AOX1: variants seen among roughly 807,000 people sequenced by gnomAD.
AOX1 encodes aldehyde oxidase.
AOX1 carries 153 observed loss-of-function variants against 169.5 expected under a neutral mutation model. The ratio of observed to expected loss-of-function variants is 0.90; its 90% CI spans 0.79 to 1.03. The LOEUF is 1.03. Ranked by LOEUF, AOX1 falls within the 50% of genes least tolerant of loss-of-function variation. The pLI is 0.00. For missense variants in AOX1, 1,656 were observed against 1,663.9 expected, an observed-to-expected ratio of 1.00 and a Z score of 0.08; for synonymous variants, 562 against 581.9, an observed-to-expected ratio of 0.97 and a Z score of 0.49.
At chr2:200,662,791 T>G in intron 30 of AOX1, 64 bp from the exon 31 acceptor site, 2 of 1,305,634 alleles carry the variant, frequency 1.5e-6, no homozygotes, top group Non-Finnish European at 2.2e-6. Context: ...CATGGGTCTG[T>G]TTAGTCATCA....
chr2:200,609,319 AGTCTTTAGGGG>A lies in AOX1; in HGVS notation c.1060_1070del (p.Ser354ThrfsTer4). 1 of 1,613,432 alleles carries A rather than the reference AGTCTTTAGGGG, an allele frequency of 6.2e-7. No individual in the cohort carries two copies. Among genetic ancestry groups the A allele is most frequent in the Non-Finnish European group, 8.5e-7 (1 of 1,179,542 alleles). Reference sequence around the variant, plus strand: ...ATGAAAATAACTCATTATTTTTAAAAGTCTTTAGGGGGACACATCATTAGCAGGCATCCAGA... The same window carrying A: ...ATGAAAATAACTCATTATTTTTAAAAGACACATCATTAGCAGGCATCCAGA... On this transcript the variant is annotated splice_acceptor_variant and coding_sequence_variant, in exon 12 of 35. Coordinates refer to ENST00000374700, the MANE Select transcript of AOX1 (RefSeq NM_001159.4). LOFTEE classifies it high-confidence loss of function.
At chr2:200,659,790 A>G (rs757665689) in intron 28 of AOX1, among the ~76,000 whole-genome samples, 1 of 79,950 alleles carries the variant, frequency 1.3e-5, no homozygotes, top group African/African-American at 4.4e-5. Context: ...TCTCTCTCAC[A>G]CACACACACA....
At chr2:200,611,519 C>G (rs76363036) in intron 13 of AOX1, 26 bp downstream of exon 13, 27 of 1,411,506 alleles carry the variant, frequency 1.9e-5, no homozygotes, top group Non-Finnish European at 2.6e-5. Flanking sequence ...TGTCAATTTC[C>G]CAGTTGCACC....
downstream of AOX1, among the ~76,000 whole-genome samples, chr2:200,673,424 G>A (rs999153721): frequency 6.6e-6 from 1 of 152,100 alleles, no homozygotes; most frequent in African/African-American, 2.4e-5. Context: ...TTCTCTTTGC[G>A]CACACATCTA....
At chr2:200,672,621 T>C (rs2036045119), downstream of AOX1, among the ~76,000 whole-genome samples, 1 of 152,170 alleles carries the variant, frequency 6.6e-6, no homozygotes, top group Non-Finnish European at 1.5e-5. Flanking sequence ...CTTGGGAAGA[T>C]CCTATTTTGG....
At chr2:200,587,126 A>G (rs77837136) in intron 1 of AOX1, among the ~76,000 whole-genome samples, 5 of 151,708 alleles carry the variant, frequency 3.3e-5, no homozygotes, top group African/African-American at 1.2e-4. Context: ...AAACAAAACA[A>G]AACAACAACA....
Position 200,609,030 on chromosome 2 carries a change from T to G in AOX1, c.954T>G (p.Ile318Met), listed in dbSNP as rs764079026. The G allele has an allele frequency of 6.2e-7, 1 of 1,614,046 alleles. No homozygotes were observed. Among genetic ancestry groups the G allele is most frequent in the East Asian group, 2.2e-5 (1 of 44,882 alleles). ...AGLSLAQVKD[I>M]LADVVQKLPE... ...TCAGCCTAGCCCAGGTGAAGGACAT[T>G]TTGGCTGATGTAGTCCAGAAGCTTC... is the stretch of plus-strand genomic sequence containing the variant. Residue 318 changes from isoleucine to methionine, a missense_variant, in exon 11 of 35, where the codon ATT (isoleucine) becomes ATG (methionine). Ile to Met is a conservative substitution (Grantham distance 10). Transcript: ENST00000374700.
intron 15 of AOX1, among the ~76,000 whole-genome samples, chr2:200,615,280 T>C (rs900809408): frequency 1.3e-5 from 2 of 152,232 alleles, no homozygotes; most frequent in African/African-American, 4.8e-5. Flanking sequence ...ATGCTGGAAT[T>C]ACAGGCATGA....
In AOX1 at chr2:200,617,463, A is replaced by G. The variant is rs908142277; in HGVS notation, c.1704+1400A>G. Among the ~76,000 whole-genome samples, 5 of 131,970 alleles carry G rather than the reference A, an allele frequency of 3.8e-5. No individual in the cohort carries two copies. The Admixed American group carries it at 4.3e-4, about 11-fold the overall frequency. 86.6% of individuals were successfully genotyped at this position (131,970 alleles called of 152,430 possible). On this transcript the variant is annotated intron_variant, in intron 16 of 34. Transcript: ENST00000374700. ...TGAGGACAGCTTCTTTCACCAGTAG[A>G]TTTATCACAACTAACTGCAAAAAAA...
chr2:200,626,768 T>A (rs543015718), intron 19 of AOX1, among the ~76,000 whole-genome samples: 1 of 152,338 alleles, frequency 6.6e-6, no homozygotes, highest in African/African-American at 2.4e-5. Flanking sequence ...GCCACCATGA[T>A]CCCAATCACT....
At chr2:200,636,124 T>C (rs1559248692) in intron 21 of AOX1, among the ~76,000 whole-genome samples, 2 of 126,250 alleles carry the variant, frequency 1.6e-5, no homozygotes, top group African/African-American at 6.0e-5. Flanking sequence ...GTGCTTTTTT[T>C]TTTTTTTTTT....
intron 19 of AOX1, among the ~76,000 whole-genome samples, chr2:200,626,122 C>A (rs1331553687): frequency 6.6e-6 from 1 of 152,216 alleles, no homozygotes; most frequent in Non-Finnish European, 1.5e-5. Flanking sequence ...TTACTAAATG[C>A]TCACCACAAT....
intron 27 of AOX1, among the ~76,000 whole-genome samples, chr2:200,657,192 T>TATATA (rs1559258569): frequency 1.4e-3 from 95 of 68,906 alleles, no homozygotes; most frequent in Non-Finnish European, 2.1e-3. Context: ...ATATATATAT[T>TATATA]TTTTTTTTTT....
At chr2:200,598,082 G>C (rs975501570) in intron 4 of AOX1, among the ~76,000 whole-genome samples, 10 of 151,802 alleles carry the variant, frequency 6.6e-5, no homozygotes, top group African/African-American at 2.2e-4. Context: ...ACTTCAGCCT[G>C]GGTGACTGAG....
chr2:200,681,184 GTTT>G (rs34179506), downstream of AOX1, among the ~76,000 whole-genome samples: 1 of 152,158 alleles, frequency 6.6e-6, no homozygotes, highest in Non-Finnish European at 1.5e-5. Context: ...CCTCAATGGA[GTTT>G]TTTTCCAGAA....
intron 25 of AOX1, among the ~76,000 whole-genome samples, chr2:200,648,581 G>T (rs561081712): frequency 2.0e-5 from 3 of 152,198 alleles, no homozygotes; most frequent in Non-Finnish European, 4.4e-5. Flanking sequence ...CCAGGAGGTG[G>T]CACTTTCCAG....
At position 200,586,043 on chromosome 2, in the gene AOX1, G is replaced by C; in HGVS notation, c.-66G>C. ...GGCGGGTCGGTGCCGCCGGGTCCCA[G>C]GTGCCCGCTACTTCCCAGAACCTCC... is the stretch of plus-strand genomic sequence containing the variant. On this transcript the variant is annotated 5_prime_UTR_variant, in exon 1 of 35. Coordinates refer to ENST00000374700, the MANE Select transcript of AOX1 (RefSeq NM_001159.4). The C allele has an allele frequency of 6.5e-7, 1 of 1,538,118 alleles. No homozygotes were observed. Among genetic ancestry groups the C allele is most frequent in the Non-Finnish European group, 8.8e-7 (1 of 1,140,836 alleles).
At chr2:200,616,864 T>TTATA (rs1465388408) in intron 16 of AOX1, among the ~76,000 whole-genome samples, 9 of 152,316 alleles carry the variant, frequency 5.9e-5, no homozygotes, top group African/African-American at 1.9e-4. Context: ...TTGTGAAAGC[T>TTATA]TATAGTATGT....
At chr2:200,629,221 G>A (rs2035065501) in intron 20 of AOX1, among the ~76,000 whole-genome samples, 1 of 152,198 alleles carries the variant, frequency 6.6e-6, no homozygotes, top group Non-Finnish European at 1.5e-5. Flanking sequence ...TTGGCATTGT[G>A]TCTTATTAGC....
Sources: allele counts gnomAD v4.1 joint callset (sites outside exome capture counted in the v4.1 genomes callset), GRCh38; gene constraint gnomAD v4.1.1; transcripts MANE v1.5; gene names NCBI Gene and HGNC (gene_info 2026-07-23, HGNC 2026-07-21).